The following FYCO1 variants were observed in gnomAD, a reference collection of about 807,000 sequenced individuals.
FYCO1 encodes FYVE and coiled-coil domain autophagy adaptor 1, also known as FYVE and coiled-coil domain-containing protein 1.
In FYCO1, 122 loss-of-function variants were observed where a neutral mutation model predicts 165.1. The ratio of observed to expected loss-of-function variants is 0.74; its 90% CI spans 0.64 to 0.86. The LOEUF (loss-of-function observed/expected upper bound fraction) is 0.86, where lower values mean the gene tolerates loss of function less well. Among genes scored for constraint, FYCO1 ranks in the 40% least tolerant of loss-of-function variants. The pLI is 0.00. For missense variants in FYCO1, 1,702 were observed against 1,810.3 expected (o/e 0.94, Z 1.09); for synonymous variants, 648 against 742.5 (o/e 0.87, Z 2.07).
At chr3:45,980,731 T>G (rs1456987565) in intron 3 of FYCO1, among the ~76,000 whole-genome samples, 1 of 152,246 alleles carries the variant, frequency 6.6e-6, no homozygotes, top group Non-Finnish European at 1.5e-5. Context: ...GACACAGGTA[T>G]ATCTTTCTAT....
At position 45,962,513 on chromosome 3, in the gene FYCO1, G is replaced by T; in HGVS notation, c.3270-121C>A. ...CCCTCCGCCATGGGGGAGCCCCTTG[G>T]TATCTGCTCACAGCTTATGCAGTCC... On this transcript the variant is annotated intron_variant, in intron 10 of 17. Coordinates refer to ENST00000296137, the MANE Select transcript of FYCO1 (RefSeq NM_024513.4). The surrounding 1 kb of genome is among the most constrained non-coding windows in gnomAD (Gnocchi z 4.4). 2.3e-6 allele frequency: 2 copies of T among 880,942 alleles called. No individual in the cohort carries two copies. Among genetic ancestry groups the T allele is most frequent in the Non-Finnish European group, 3.9e-6 (2 of 519,480 alleles). The allele number at this position is 880,942 out of a possible 1,614,324, so 54.6% of individuals were successfully genotyped here.
chr3:45,958,299 A>C, intron 13 of FYCO1, 109 bp downstream of exon 13: 1 of 950,946 alleles, frequency 1.1e-6, no homozygotes, highest in Non-Finnish European at 1.7e-6. Flanking sequence ...TTAATACCTA[A>C]GTTTAGAAAA....
intron 13 of FYCO1, among the ~76,000 whole-genome samples, chr3:45,956,244 G>A (rs774473264): frequency 1.1e-4 from 16 of 152,172 alleles, no homozygotes; most frequent in East Asian, 1.9e-4. Flanking sequence ...GCTGAGGCAC[G>A]AGAATCACAT....
In FYCO1 at chr3:45,921,832, G is replaced by A; in HGVS notation, c.4370C>T (p.Ser1457Phe). Residue 1457 changes from serine to phenylalanine, a missense_variant, in exon 18 of 18, where the codon TCT (serine) becomes TTT (phenylalanine). Ser to Phe is a radical substitution (Grantham distance 155). Transcript: ENST00000296137. ...CGTCAAGTGATAAAATACCTTTTTA[G>A]AGACAAACCTGAGGAAACAGAAATG... Reference protein sequence around the residue: ...IFDNTFSRFVSKKVFYHLTVD... With the variant: ...IFDNTFSRFVFKKVFYHLTVD... 2 of 1,609,360 alleles carry A rather than the reference G, an allele frequency of 1.2e-6. No homozygotes were observed. Among genetic ancestry groups the A allele is most frequent in the Non-Finnish European group, 1.7e-6 (2 of 1,175,646 alleles).
chr3:45,940,451 A>G (rs1704157154), intron 14 of FYCO1, among the ~76,000 whole-genome samples: 1 of 152,160 alleles, frequency 6.6e-6, no homozygotes, highest in Non-Finnish European at 1.5e-5. Context: ...ATAAGGGAAA[A>G]ACACCTCAAA....
intron 14 of FYCO1, 97 bp downstream of exon 14, chr3:45,955,152 C>G: frequency 7.1e-7 from 1 of 1,413,316 alleles, no homozygotes; most frequent in Non-Finnish European, 9.9e-7. Flanking sequence ...ACAGTCAATC[C>G]TGCTTCCAGT....
chr3:45,946,916 G>T (rs1360750013), intron 14 of FYCO1: 1 of 1,614,202 alleles, frequency 6.2e-7, no homozygotes, highest in Non-Finnish European at 8.5e-7. Flanking sequence ...CCAAGAGGAT[G>T]ACCTGGGGCA....
At chr3:45,990,155 C>G (rs756550218) in intron 1 of FYCO1, among the ~76,000 whole-genome samples, 14 of 152,194 alleles carry the variant, frequency 9.2e-5, no homozygotes, top group Non-Finnish European at 2.9e-5. Flanking sequence ...AACTGAATCT[C>G]TGATAGAATA....
At position 45,959,384 on chromosome 3, in the gene FYCO1, C is replaced by T; in HGVS notation, c.3587+9G>A. The T allele has an allele frequency of 1.2e-6, 2 of 1,613,840 alleles. No homozygotes were observed. Among genetic ancestry groups the T allele is most frequent in the Non-Finnish European group, 1.7e-6 (2 of 1,180,000 alleles). ...GGTGTTGGTGCCAACCCACGAGCTCCCTGCTGACCTGCAGTGGTGCCGCCG... is the reference window on the plus strand; with the variant it reads ...GGTGTTGGTGCCAACCCACGAGCTCTCTGCTGACCTGCAGTGGTGCCGCCG... On this transcript the variant is annotated intron_variant, in intron 12 of 17. Coordinates refer to ENST00000296137, the MANE Select transcript of FYCO1 (RefSeq NM_024513.4).
At chr3:45,950,992 C>T (rs1704982596) in intron 14 of FYCO1, among the ~76,000 whole-genome samples, 1 of 152,188 alleles carries the variant, frequency 6.6e-6, no homozygotes, top group Non-Finnish European at 1.5e-5. Flanking sequence ...ACACTCTGAC[C>T]ATGAAGCACC....
intron 2 of FYCO1, chr3:45,984,499 C>T (rs775051486): frequency 2.3e-5 from 9 of 396,882 alleles, no homozygotes; most frequent in African/African-American, 6.2e-5. Context: ...CATTCTTTTC[C>T]AAAGAAGCCA....
rs1375293718 is a variant in FYCO1 at position 45,979,636 on chromosome 3, G to A, written c.288+69C>T. ...CCTTATTTAGCTGTCTGCAGCAAAG[G>A]TCTCTGCAAGAGCTGCTTTAAGCAG... On this transcript the variant is annotated intron_variant, in intron 4 of 17. Coordinates refer to ENST00000296137, the MANE Select transcript of FYCO1 (RefSeq NM_024513.4). 4 of 1,588,508 alleles carry A rather than the reference G, an allele frequency of 2.5e-6. No homozygotes were observed. The African/African-American group carries it at 5.4e-5, about 21-fold the overall frequency.
intron 14 of FYCO1, chr3:45,945,750 G>A (rs1704551663): frequency 6.6e-6 from 1 of 152,160 alleles, no homozygotes; most frequent in Non-Finnish European, 1.5e-5. Flanking sequence ...GAAGTGAGGA[G>A]AACCACCCAA....
chr3:45,951,531 C>G (rs974252657), intron 14 of FYCO1, among the ~76,000 whole-genome samples: 3 of 152,168 alleles, frequency 2.0e-5, no homozygotes, highest in African/African-American at 7.2e-5. Flanking sequence ...GCCCAGTGCC[C>G]CTGCCAGCCC....
At chr3:45,930,920 C>T in intron 16 of FYCO1, 151 bp downstream of exon 16, 2 of 757,048 alleles carry the variant, frequency 2.6e-6, no homozygotes, top group South Asian at 1.5e-5. Flanking sequence ...GGCCCAGGTG[C>T]TCTGCCTTCT....
chr3:45,973,056 T>G, intron 6 of FYCO1, 32 bp downstream of exon 6: 1 of 1,613,558 alleles, frequency 6.2e-7, no homozygotes, highest in Non-Finnish European at 8.5e-7. Flanking sequence ...TCTCTTTTCC[T>G]GTCTTTTAAA....
chr3:45,989,067 A>G (rs1406429864), intron 1 of FYCO1, among the ~76,000 whole-genome samples: 1 of 152,218 alleles, frequency 6.6e-6, no homozygotes, highest in African/African-American at 2.4e-5. Flanking sequence ...ACACAAGGAA[A>G]GAAGAATCAT....
intron 16 of FYCO1, among the ~76,000 whole-genome samples, chr3:45,930,822 C>T (rs1488715992): frequency 6.6e-6 from 1 of 152,194 alleles, no homozygotes; most frequent in African/African-American, 2.4e-5. Context: ...CAAGGGCAGA[C>T]TGTACCTGTT....
At chr3:45,973,537 A>G (rs1006369053) in intron 5 of FYCO1, among the ~76,000 whole-genome samples, 3 of 152,218 alleles carry the variant, frequency 2.0e-5, no homozygotes, top group Non-Finnish European at 2.9e-5. Context: ...GAATTGTAGG[A>G]GAAAGAAAAC....
Sources: allele counts gnomAD v4.1 joint callset (sites outside exome capture counted in the v4.1 genomes callset), GRCh38; gene constraint gnomAD v4.1.1; non-coding constraint Gnocchi (gnomAD v3.1); transcripts MANE v1.5; gene names NCBI Gene and HGNC (gene_info 2026-07-23, HGNC 2026-07-21).